Variants in CMTM8 observed in about 807,000 individuals in gnomAD.
CMTM8 encodes the protein CKLF-like MARVEL transmembrane domain-containing protein 8.
Under a neutral mutation model 18.6 loss-of-function variants are expected in CMTM8, and 12 were observed. The ratio of observed to expected loss-of-function variants is 0.65; its 90% CI spans 0.41 to 1.05. CMTM8 has a LOEUF of 1.05. Among genes scored for constraint, CMTM8 ranks in the 50% least tolerant of loss-of-function variants. CMTM8 has a pLI of 0.00. For missense variants in CMTM8, 217 were observed against 227.2 expected, an observed-to-expected ratio of 0.95 and a Z score of 0.29; for synonymous variants, 87 against 90.6, an observed-to-expected ratio of 0.96 and a Z score of 0.23.
chr3:32,306,926 A>G (rs1348074887), intron 1 of CMTM8, among the ~76,000 whole-genome samples: 1 of 152,164 alleles, frequency 6.6e-6, no homozygotes, highest in Non-Finnish European at 1.5e-5. Context: ...TGGAGAGAAG[A>G]TGCCAGGCAC....
At chr3:32,275,666 T>TTTTTTG (rs144431874) in intron 1 of CMTM8, among the ~76,000 whole-genome samples, 4 of 93,384 alleles carry the variant, frequency 4.3e-5, no homozygotes, top group Non-Finnish European at 6.3e-5. Context: ...TTTTTTTTTT[T>TTTTTTG]GGGGACAGAG....
At chr3:32,263,342 T>C (rs1559364489) in intron 1 of CMTM8, among the ~76,000 whole-genome samples, 1 of 152,176 alleles carries the variant, frequency 6.6e-6, no homozygotes. Flanking sequence ...AGGCAAACGG[T>C]CTGGAGTGGA....
chr3:32,303,555 C>G (rs1309409794), intron 1 of CMTM8, among the ~76,000 whole-genome samples: 2 of 152,128 alleles, frequency 1.3e-5, no homozygotes, highest in Admixed American at 6.6e-5. Context: ...CTCATACTTT[C>G]TTCCCGTATG....
intron 1 of CMTM8, among the ~76,000 whole-genome samples, chr3:32,353,237 G>A (rs562484220): frequency 1.3e-5 from 2 of 152,212 alleles, no homozygotes; most frequent in East Asian, 1.9e-4. Flanking sequence ...CAAGTGATCC[G>A]CCTGCCTCAG....
In CMTM8 at chr3:32,370,009, C is replaced by A. The variant is rs1695617555; in HGVS notation, c.*42C>A. ...TTAAAAGGAAAAAAAAAGGAAGACT[C>A]TCACTGTAAAAACAGCTGTAGGTAT... On this transcript the variant is annotated 3_prime_UTR_variant, in exon 4 of 4. Coordinates refer to ENST00000307526, the MANE Select transcript of CMTM8 (RefSeq NM_178868.5). 2 of 1,231,646 alleles carry A rather than the reference C, an allele frequency of 1.6e-6. No homozygotes were observed. Among genetic ancestry groups the A allele is most frequent in the South Asian group, 1.4e-5 (1 of 72,370 alleles). 76.3% of individuals were successfully genotyped at this position (1,231,646 alleles called of 1,614,324 possible).
intron 2 of CMTM8, among the ~76,000 whole-genome samples, chr3:32,359,480 C>T (rs1263965189): frequency 6.6e-6 from 1 of 152,162 alleles, no homozygotes; most frequent in African/African-American, 2.4e-5. Context: ...ATCCCAGCTA[C>T]TCGGGAGGCT....
intron 1 of CMTM8, among the ~76,000 whole-genome samples, chr3:32,277,043 C>G (rs1367621439): frequency 6.6e-6 from 1 of 151,686 alleles, no homozygotes; most frequent in Non-Finnish European, 1.5e-5. Flanking sequence ...TCCCACCATC[C>G]CCGGCTAAGT....
In CMTM8 at chr3:32,367,934, T is replaced by TTCCGTC; in HGVS notation, c.388_393dup (p.Val130_Ser131dup). On this transcript the variant is annotated inframe_insertion, in exon 3 of 4. Coordinates refer to ENST00000307526, the MANE Select transcript of CMTM8 (RefSeq NM_178868.5). ...TCTCTGCCGCTGTTGTAGATGCATCTTCCGTCTCCCCTGAGAGGGACAGTC... is the reference window on the plus strand; with the variant it reads ...TCTCTGCCGCTGTTGTAGATGCATCTTCCGTCTCCGTCTCCCCTGAGAGGGACAGTC... The TTCCGTC allele has an allele frequency of 6.2e-7, 1 of 1,613,748 alleles. No homozygotes were observed.
At position 32,326,771 on chromosome 3, in the gene CMTM8, C is replaced by T. The variant is rs1489470195; in HGVS notation, c.148-30602C>T. ...CCTCAAGTGATCCACCTACCTTGGC[C>T]TCCCAAAGTGCTAGGATTTCAGGTG... On this transcript the variant is annotated intron_variant, in intron 1 of 3. Coordinates refer to ENST00000307526, the MANE Select transcript of CMTM8 (RefSeq NM_178868.5). 3.3e-5 allele frequency among the ~76,000 whole-genome samples: 5 copies of T among 152,130 alleles called. No individual in the cohort carries two copies. The East Asian group carries it at 7.7e-4, about 23-fold the overall frequency.
chr3:32,279,179 A>AT (rs1702567218), intron 1 of CMTM8, among the ~76,000 whole-genome samples: 2 of 45,496 alleles, frequency 4.4e-5, no homozygotes, highest in Non-Finnish European at 8.4e-5. Flanking sequence ...TTTTTTTTTT[A>AT]ATTTTTTTTT....
intron 2 of CMTM8, among the ~76,000 whole-genome samples, chr3:32,363,278 G>A (rs1027550958): frequency 6.6e-6 from 1 of 152,158 alleles, no homozygotes; most frequent in Non-Finnish European, 1.5e-5. Context: ...TTGTGACTCT[G>A]CCATCTTTAA....
At chr3:32,290,285 T>G (rs1476924197) in intron 1 of CMTM8, among the ~76,000 whole-genome samples, 1 of 152,164 alleles carries the variant, frequency 6.6e-6, no homozygotes, top group Non-Finnish European at 1.5e-5. Context: ...TTGCAAATAT[T>G]TCTAAAACTT....
intron 1 of CMTM8, among the ~76,000 whole-genome samples, chr3:32,308,857 G>A (rs764641839): frequency 6.6e-6 from 1 of 152,100 alleles, no homozygotes; most frequent in East Asian, 1.9e-4. Flanking sequence ...GGAACCTAAG[G>A]TTCAAAACTC....
chr3:32,336,476 A>G (rs1308406082), intron 1 of CMTM8, among the ~76,000 whole-genome samples: 1 of 152,244 alleles, frequency 6.6e-6, no homozygotes, highest in Non-Finnish European at 1.5e-5. Context: ...TTTGCAGAAC[A>G]TGGTTTTGAA....
intron 1 of CMTM8, among the ~76,000 whole-genome samples, chr3:32,301,440 A>G (rs556671268): frequency 3.7e-4 from 56 of 152,322 alleles, no homozygotes; most frequent in Non-Finnish European, 7.2e-4. Context: ...TGTTGTTTTT[A>G]AAACTAGAAA....
chr3:32,255,759 A>G (rs1702167554), intron 1 of CMTM8, among the ~76,000 whole-genome samples: 1 of 152,098 alleles, frequency 6.6e-6, no homozygotes, highest in Non-Finnish European at 1.5e-5. Flanking sequence ...GGATCTCACC[A>G]TGCCACCCAG....
At chr3:32,324,144 T>A (rs988895411) in intron 1 of CMTM8, among the ~76,000 whole-genome samples, 9 of 152,332 alleles carry the variant, frequency 5.9e-5, no homozygotes, top group Middle Eastern at 3.4e-3. Flanking sequence ...TTTGTTAATT[T>A]CCATGTCTTT....
chr3:32,247,351 C>T (rs1041269746), intron 1 of CMTM8, among the ~76,000 whole-genome samples: 3 of 152,142 alleles, frequency 2.0e-5, no homozygotes, highest in Non-Finnish European at 4.4e-5. Flanking sequence ...CTCACTCTTT[C>T]GCCCAGGCTG....
intron 1 of CMTM8, among the ~76,000 whole-genome samples, chr3:32,294,128 G>A (rs1702831549): frequency 6.6e-6 from 1 of 152,166 alleles, no homozygotes; most frequent in African/African-American, 2.4e-5. Flanking sequence ...TTGAATTCTT[G>A]CCTATCCCAT....
Sources: allele counts gnomAD v4.1 joint callset (sites outside exome capture counted in the v4.1 genomes callset), GRCh38; gene constraint gnomAD v4.1.1; transcripts MANE v1.5; gene names NCBI Gene and HGNC (gene_info 2026-07-23, HGNC 2026-07-21).